FLYWCH1: variants seen among roughly 807,000 people sequenced by gnomAD.
FLYWCH1 encodes FLYWCH-type zinc finger-containing protein 1.
A neutral mutation model predicts 66.4 loss-of-function variants in FLYWCH1; 75 were observed. That is an observed-to-expected ratio of 1.13 (90% CI 0.94 to 1.37). The LOEUF is 1.37. Among genes scored for constraint, FLYWCH1 ranks in the 40% most tolerant of loss-of-function variants. The probability of loss-of-function intolerance (pLI) is 0.00; values close to 1 mark genes in which losing one functional copy is unlikely to be tolerated. For synonymous variants in FLYWCH1, 595 were observed against 429.9 expected, an observed-to-expected ratio of 1.38 and a Z score of -4.75; for missense variants, 1,334 against 1,001.8, an observed-to-expected ratio of 1.33 and a Z score of -4.48.
In FLYWCH1 at chr16:2,948,676, C is replaced by G. The variant is rs374314812; in HGVS notation, c.2112-12C>G. 20 of 1,613,338 alleles carry G rather than the reference C, an allele frequency of 1.2e-5. No homozygotes were observed. In the South Asian group the frequency reaches 2.1e-4, roughly 17 times the overall value. On this transcript the variant is annotated splice_polypyrimidine_tract_variant and intron_variant, in intron 9 of 9. Coordinates refer to ENST00000253928, the MANE Select transcript of FLYWCH1 (RefSeq NM_001308068.2). Reference sequence around the variant, plus strand: ...TGATGTGTGCAATGAACATGTGTCTCTTTGTAATTAGGGACATCAAAGACG... The same window carrying G: ...TGATGTGTGCAATGAACATGTGTCTGTTTGTAATTAGGGACATCAAAGACG...
In FLYWCH1 at chr16:2,929,713, G is replaced by C. The variant is rs1327461592; in HGVS notation, c.28G>C (p.Glu10Gln). 5 of 1,613,172 alleles carry C rather than the reference G, an allele frequency of 3.1e-6. No individual in the cohort carries two copies. The Admixed American group carries it at 8.3e-5, about 27-fold the overall frequency. ...GCCCCTGCCCGAGCCCAGCGAGCAG[G>C]AGGGCGAGAGTGTGAAGGCCGGCCA... The part of the protein sequence containing the change: MPLPEPSEQ[E>Q]GESVKAGQEP... The change falls in exon 3 of 10, where the codon GAG (glutamate) becomes CAG (glutamine). Residue 10 changes from glutamate (E) to glutamine (Q), a missense_variant. By Grantham distance (29) the Glu-to-Gln change is conservative (BLOSUM62 2). Coordinates refer to ENST00000253928, the MANE Select transcript of FLYWCH1 (RefSeq NM_001308068.2).
intron 6 of FLYWCH1, chr16:2,936,695 C>G (rs1185124088): frequency 1.5e-5 from 7 of 465,022 alleles, no homozygotes; most frequent in Non-Finnish European, 3.0e-5. Context: ...ACACCTCTAC[C>G]TGCGCGGCTC....
intron 1 of FLYWCH1, among the ~76,000 whole-genome samples, chr16:2,913,973 C>T (rs1436868001): frequency 6.6e-6 from 1 of 152,174 alleles, no homozygotes; most frequent in Non-Finnish European, 1.5e-5. Flanking sequence ...GCCTCCCAAA[C>T]TGCTGAGATG....
intron 4 of FLYWCH1, among the ~76,000 whole-genome samples, chr16:2,931,903 G>A (rs2070773239): frequency 6.6e-6 from 1 of 152,098 alleles, no homozygotes; most frequent in African/African-American, 2.4e-5. Flanking sequence ...CACGAGGTCA[G>A]GAGATTGAGA....
intron 6 of FLYWCH1, chr16:2,936,900 G>T (rs1157515168): frequency 1.6e-5 from 11 of 671,152 alleles, no homozygotes; most frequent in Non-Finnish European, 1.9e-5. Flanking sequence ...GCCGCCACCT[G>T]CAGGGGCCTC....
In FLYWCH1 at chr16:2,938,388, A is replaced by G; in HGVS notation, c.1982A>G (p.Asp661Gly). 1 of 1,567,722 alleles carries G rather than the reference A, an allele frequency of 6.4e-7. No individual in the cohort carries two copies. The highest frequency in any genetic ancestry group is 2.3e-5 in the East Asian group (1 of 44,240). The change falls in exon 8 of 10, where the codon GAC (aspartate) becomes GGC (glycine). Residue 661 changes from aspartate (D) to glycine (G), a missense_variant. Physicochemically the swap from Asp to Gly is moderately conservative, Grantham distance 94. Coordinates refer to ENST00000253928, the MANE Select transcript of FLYWCH1 (RefSeq NM_001308068.2). ...MVMRSHCHQP[D>G]LAGLEALRQR... ...ATGCGCAGCCACTGCCATCAGCCTG[A>G]CCTGGCAGGCCTGGAGGCCTTGAGG...
chr16:2,933,146 C>G lies in FLYWCH1; in HGVS notation c.813C>G (p.Leu271=), dbSNP rs74005527. 2 of 1,613,328 alleles carry G rather than the reference C, an allele frequency of 1.2e-6. No individual in the cohort carries two copies. The highest frequency in any genetic ancestry group is 1.3e-5 in the African/African-American group (1 of 74,980). The change falls in exon 5 of 10, where the codon CTC becomes CTG. Residue 271 remains leucine, a synonymous_variant. Coordinates refer to ENST00000253928, the MANE Select transcript of FLYWCH1 (RefSeq NM_001308068.2). The stretch of plus-strand genomic sequence containing the variant: ...CTCCTCTAGGACAGGCCCGGCCCCT[C>G]GAGTTCCTGAGGACGTGCTACGGGG... ...SILGLGQARP[L]EFLRTCYGGS... is the part of the protein sequence containing the mutation.
chr16:2,944,612 C>G (rs1354558841), intron 9 of FLYWCH1, among the ~76,000 whole-genome samples: 1 of 152,056 alleles, frequency 6.6e-6, no homozygotes, highest in Non-Finnish European at 1.5e-5. Context: ...CCCCTGAGGT[C>G]AGGAGTTCCA....
intron 6 of FLYWCH1, chr16:2,936,108 T>G: frequency 7.5e-6 from 2 of 267,870 alleles, no homozygotes; most frequent in Non-Finnish European, 1.5e-5. Flanking sequence ...AGATGGGGTT[T>G]CACCATGTTG....
Position 2,933,276 on chromosome 16 carries a change from C to T in FLYWCH1, c.943C>T (p.Arg315Trp), listed in dbSNP as rs377699630. The T allele has an allele frequency of 2.2e-4, 354 of 1,612,722 alleles. No individual in the cohort carries two copies. In the South Asian group the frequency reaches 2.9e-3, roughly 13 times the overall value. Residue 315 changes from arginine (R) to tryptophan (W), a missense_variant, in exon 5 of 10, where the codon CGG becomes TGG. Physicochemically the swap from Arg to Trp is moderately radical, Grantham distance 101. Coordinates refer to ENST00000253928, the MANE Select transcript of FLYWCH1 (RefSeq NM_001308068.2). ...CCACGCGCTGCACGGCTGCCGGAGC[C>T]GGGCCATCACCCAGGGACAGCGGGT... ...RDHALHGCRS[R>W]AITQGQRVTV...
chr16:2,940,475 G>T (rs2071214779), intron 9 of FLYWCH1, among the ~76,000 whole-genome samples: 1 of 152,172 alleles, frequency 6.6e-6, no homozygotes, highest in Non-Finnish European at 1.5e-5. Context: ...TCTGTGTGTG[G>T]CCCAGGCTGG....
rs1363725338 is a variant in FLYWCH1 at position 2,933,993 on chromosome 16, GGCTGGGA to G, written c.1513+21_1513+27del. 1 of 1,509,612 alleles carries G rather than the reference GGCTGGGA, an allele frequency of 6.6e-7. No individual in the cohort carries two copies. Among genetic ancestry groups the G allele is most frequent in the African/African-American group, 1.4e-5 (1 of 72,506 alleles). The allele number at this position is 1,509,612 out of a possible 1,614,324, so 93.5% of individuals were successfully genotyped here. On this transcript the variant is annotated intron_variant, in intron 6 of 9. Coordinates refer to ENST00000253928, the MANE Select transcript of FLYWCH1 (RefSeq NM_001308068.2). ...GGGGGAGCCCAGGTACCTGGGGGTG[GGCTGGGA>G]GCTGGGCCCCAGGAAGCAGGCAGGA...
chr16:2,933,747 G>A lies in FLYWCH1; in HGVS notation c.1281G>A (p.Gly427=). 6.2e-7 allele frequency: 1 copy of A among 1,613,248 alleles called. No homozygotes were observed. Among genetic ancestry groups the A allele is most frequent in the South Asian group, 1.1e-5 (1 of 90,978 alleles). ...GGPEFLKTPL[G]GSFLVYESFL... The stretch of plus-strand genomic sequence containing the variant: ...CTGAGTTCCTGAAGACGCCCCTGGG[G>A]GGCAGCTTCCTGGTGTACGAGTCCT... The change falls in exon 6 of 10, where the codon GGG becomes GGA. Residue 427 remains glycine, a synonymous_variant. Coordinates refer to ENST00000253928, the MANE Select transcript of FLYWCH1 (RefSeq NM_001308068.2).
At position 2,933,802 on chromosome 16, in the gene FLYWCH1, GAGA is replaced by G. The variant is rs2070878662; in HGVS notation, c.1339_1341del (p.Lys447del). 1 of 1,609,586 alleles carries G rather than the reference GAGA, an allele frequency of 6.2e-7. No individual in the cohort carries two copies. Among genetic ancestry groups the G allele is most frequent in the Non-Finnish European group, 8.5e-7 (1 of 1,178,434 alleles). ...CTACCGGCGGGAGAAGGCGGCTGGGGAGAAGGTGTATTGGACCTGCCGGGACCA... is the reference window on the plus strand; with the variant it reads ...CTACCGGCGGGAGAAGGCGGCTGGGGAGGTGTATTGGACCTGCCGGGACCA... On this transcript the variant is annotated inframe_deletion, in exon 6 of 10. Transcript: ENST00000253928.
chr16:2,948,859 C>T lies in FLYWCH1; in HGVS notation c.*132C>T, dbSNP rs753081173. ...TCTTCCAAAGCATCGATGGTCTTCG[C>T]GTCTCCTCAGGAGGTCTCCCAGGAG... On this transcript the variant is annotated 3_prime_UTR_variant, in exon 10 of 10. Coordinates refer to ENST00000253928, the MANE Select transcript of FLYWCH1 (RefSeq NM_001308068.2). The T allele has an allele frequency of 1.4e-5, 11 of 771,588 alleles. No homozygotes were observed. Among genetic ancestry groups the T allele is most frequent in the East Asian group, 2.7e-5 (1 of 37,482 alleles). The allele number at this position is 771,588 out of a possible 1,614,324, so 47.8% of individuals were successfully genotyped here. A position where few individuals can be genotyped will look rare whatever the true frequency, so the allele number is the denominator to read the frequency against.
rs1435685561 is a variant in FLYWCH1, at chr16:2,933,853, C to T, written c.1387C>T (p.Arg463Cys). The T allele has an allele frequency of 2.1e-5, 33 of 1,606,644 alleles. No individual in the cohort carries two copies. Among genetic ancestry groups the T allele is most frequent in the Middle Eastern group, 1.7e-4 (1 of 5,740 alleles). The change falls in exon 6 of 10, where the codon CGC (arginine) becomes TGC (cysteine). Residue 463 changes from arginine to cysteine, a missense_variant. Physicochemically the swap from Arg to Cys is radical, Grantham distance 180. Transcript: ENST00000253928. The part of the protein sequence containing the change: ...RDQARMGCRS[R>C]AITQGRRVTV... ...CCAGGCCCGCATGGGCTGCCGCAGCCGCGCCATCACCCAGGGCCGACGGGT... is the reference window on the plus strand; with the variant it reads ...CCAGGCCCGCATGGGCTGCCGCAGCTGCGCCATCACCCAGGGCCGACGGGT...
chr16:2,948,740 AGAG>A lies in FLYWCH1; in HGVS notation c.*17_*19del, dbSNP rs1043653224. On this transcript the variant is annotated 3_prime_UTR_variant, in exon 10 of 10. Transcript: ENST00000253928. ...CGAGTCCCAGTGAGGCGATGTGGGC[AGAG>A]GAGCTCCGAGCCGCCCACCCAAGGT... 3.1e-6 allele frequency: 5 copies of A among 1,613,742 alleles called. No individual in the cohort carries two copies. Among genetic ancestry groups the A allele is most frequent in the Non-Finnish European group, 3.4e-6 (4 of 1,179,670 alleles).
At chr16:2,939,763 G>A (rs1302122035) in intron 8 of FLYWCH1, 2 of 382,030 alleles carry the variant, frequency 5.2e-6, no homozygotes, top group Non-Finnish European at 9.5e-6. Flanking sequence ...TACAGAGAAA[G>A]TTGTGCTGGA....
At chr16:2,925,127 C>A (rs1429219690) in intron 2 of FLYWCH1, among the ~76,000 whole-genome samples, 3 of 152,242 alleles carry the variant, frequency 2.0e-5, no homozygotes, top group Non-Finnish European at 4.4e-5. Flanking sequence ...CTGTGCCAGC[C>A]TGCATAGTCT....
Sources: allele counts gnomAD v4.1 joint callset (sites outside exome capture counted in the v4.1 genomes callset), GRCh38; gene constraint gnomAD v4.1.1; transcripts MANE v1.5; gene names NCBI Gene and HGNC (gene_info 2026-07-23, HGNC 2026-07-21).